The following ADAM30 variants were observed in gnomAD, a reference collection of about 807,000 sequenced individuals.
ADAM30 encodes disintegrin and metalloproteinase domain-containing protein 30.
For synonymous variants in ADAM30, 382 were observed against 340.9 expected, an observed-to-expected ratio of 1.12 and a Z score of -1.33; for missense variants, 960 against 959.4, an observed-to-expected ratio of 1.00 and a Z score of -0.01.
rs772666710 is a variant in ADAM30 at position 119,895,364 on chromosome 1, G to A, written c.973C>T (p.Leu325=). 18 of 1,614,020 alleles carry A rather than the reference G, an allele frequency of 1.1e-5. No individual in the cohort carries two copies. The highest frequency in any genetic ancestry group is 1.2e-5 in the Non-Finnish European group (14 of 1,180,034). ...LEYAGSVSTL[L]DTNILAPATW... ...GCAGGGGCAAGGATATTTGTATCTA[G>A]TAAAGTACTCACTGATCCAGCATAT... Residue 325 remains leucine, a synonymous_variant, in exon 1 of 1, where the codon CTA becomes TTA. Transcript: ENST00000369400.
Position 119,895,751 on chromosome 1 carries a change from G to A in ADAM30, c.586C>T (p.Pro196Ser). The A allele has an allele frequency of 6.2e-7, 1 of 1,614,060 alleles. No individual in the cohort carries two copies. The highest frequency in any genetic ancestry group is 8.5e-7 in the Non-Finnish European group (1 of 1,180,006). The change falls in exon 1 of 1, where the codon CCT becomes TCT. Residue 196 changes from proline to serine, a missense_variant. Coordinates refer to ENST00000369400, the MANE Select transcript of ADAM30 (RefSeq NM_021794.4). Reference sequence around the variant, plus strand: ...TACTTTGGGTGTTTATAGGATCCAGGAAAGTCCCTTAGCCTCGCCTTATTC... The same window carrying A: ...TACTTTGGGTGTTTATAGGATCCAGAAAAGTCCCTTAGCCTCGCCTTATTC... ...YENKARLRDF[P>S]GSYKHPKYLE...
chr1:119,895,491 A>T lies in ADAM30; in HGVS notation c.846T>A (p.Ser282Arg). 1 of 1,613,820 alleles carries T rather than the reference A, an allele frequency of 6.2e-7. No homozygotes were observed. The highest frequency in any genetic ancestry group is 8.5e-7 in the Non-Finnish European group (1 of 1,179,994). ...VLGRFVIYKK[S>R]VLNARLSSDW... ...CTGATGACAGGCGAGCATTTAATACACTTTTTTTATATATTACAAATCTGC... is the reference window on the plus strand; with the variant it reads ...CTGATGACAGGCGAGCATTTAATACTCTTTTTTTATATATTACAAATCTGC... Residue 282 changes from serine to arginine, a missense_variant, in exon 1 of 1, where the codon AGT becomes AGA. Physicochemically the swap from Ser to Arg is moderately radical, Grantham distance 110. Transcript: ENST00000369400.
chr1:119,895,749 A>G lies in ADAM30; in HGVS notation c.588T>C (p.Pro196=). Residue 196 remains proline, a synonymous_variant, in exon 1 of 1, where the codon CCT becomes CCC. Transcript: ENST00000369400. ...YENKARLRDF[P]GSYKHPKYLE... ...AGTACTTTGGGTGTTTATAGGATCC[A>G]GGAAAGTCCCTTAGCCTCGCCTTAT... 6.2e-7 allele frequency: 1 copy of G among 1,614,126 alleles called. No individual in the cohort carries two copies. The highest frequency in any genetic ancestry group is 8.5e-7 in the Non-Finnish European group (1 of 1,180,016).
chr1:119,893,694 A>C lies in ADAM30; in HGVS notation c.*270T>G. 1.9e-6 allele frequency: 1 copy of C among 515,032 alleles called. No homozygotes were observed. Among genetic ancestry groups the C allele is most frequent in the Non-Finnish European group, 3.2e-6 (1 of 309,520 alleles). The allele number at this position is 515,032 out of a possible 1,614,324, so 31.9% of individuals were successfully genotyped here. On this transcript the variant is annotated 3_prime_UTR_variant, in exon 1 of 1. Transcript: ENST00000369400. ...GCATGGTAATTCTAGGAAACTCACT[A>C]CTTTCAGAGCTTTAGTGTATGGAAA...
rs1218187623 is a variant in ADAM30, at chr1:119,895,884, G to C, written c.453C>G (p.Ala151=). The C allele has an allele frequency of 1.2e-6, 2 of 1,614,120 alleles. No individual in the cohort carries two copies. The highest frequency in any genetic ancestry group is 8.5e-7 in the Non-Finnish European group (1 of 1,180,026). ...AGACGACATGTTCAAAACTGGGAGA[G>C]GCCTTGAGGGGCTCAATTTGGTAAT... ...AKHYQIEPLK[A]SPSFEHVVYL... The change falls in exon 1 of 1, where the codon GCC becomes GCG. Residue 151 remains alanine, a synonymous_variant. Coordinates refer to ENST00000369400, the MANE Select transcript of ADAM30 (RefSeq NM_021794.4).
In ADAM30 at chr1:119,894,945, A is replaced by G. The variant is rs1265651743; in HGVS notation, c.1392T>C (p.Cys464=). The G allele has an allele frequency of 6.2e-7, 1 of 1,614,232 alleles. No homozygotes were observed. Among genetic ancestry groups the G allele is most frequent in the Non-Finnish European group, 8.5e-7 (1 of 1,180,038 alleles). ...TCCCGTCGCAGTACTCTGCAAGGTC[A>G]CATTCATTTCCTTCCTGCCTACACA... The part of the protein sequence containing the change: ...GYVCRQEGNE[C]DLAEYCDGNS... The change falls in exon 1 of 1, where the codon TGT becomes TGC. Residue 464 remains cysteine, a synonymous_variant. Coordinates refer to ENST00000369400, the MANE Select transcript of ADAM30 (RefSeq NM_021794.4).
At position 119,895,241 on chromosome 1, in the gene ADAM30, C is replaced by T. The variant is rs1648547031; in HGVS notation, c.1096G>A (p.Gly366Arg). The T allele has an allele frequency of 6.2e-7, 1 of 1,614,052 alleles. No individual in the cohort carries two copies. Among genetic ancestry groups the T allele is most frequent in the Non-Finnish European group, 8.5e-7 (1 of 1,180,038 alleles). ...RGRLNCIMGS[G>R]RTGFSNCSYI... is the part of the protein sequence containing the mutation. ...CTGCAATTGCTAAACCCAGTGCGTC[C>T]TGAGCCCATGATGCAATTAAGCCTA... The change falls in exon 1 of 1, where the codon GGA becomes AGA. Residue 366 changes from glycine to arginine, a missense_variant. Transcript: ENST00000369400.
rs752132571 is a variant in ADAM30, at chr1:119,895,016, T to C, written c.1321A>G (p.Ile441Val). Residue 441 changes from isoleucine to valine, a missense_variant, in exon 1 of 1, where the codon ATT (isoleucine) becomes GTT (valine). Coordinates refer to ENST00000369400, the MANE Select transcript of ADAM30 (RefSeq NM_021794.4). ...CGACAATCATGACAGCAAAGTCCAATGCTACAGTTGGCACCTGGTTGCAAC... is the reference window on the plus strand; with the variant it reads ...CGACAATCATGACAGCAAAGTCCAACGCTACAGTTGGCACCTGGTTGCAAC... ...CKLQPGANCS[I>V]GLCCHDCRFR... 3.1e-6 allele frequency: 5 copies of C among 1,614,076 alleles called. No individual in the cohort carries two copies. The highest frequency in any genetic ancestry group is 1.6e-4 in the Middle Eastern group (1 of 6,084).
chr1:119,896,393 C>G lies in ADAM30; in HGVS notation c.-57G>C. On this transcript the variant is annotated 5_prime_UTR_variant, in exon 1 of 1. Transcript: ENST00000369400. ...TTCAGTCCCTGCAACTCTGGCCTCG[C>G]GAGTCAGATTTCTGGGGGCCGCCGC... The G allele has an allele frequency of 6.8e-7, 1 of 1,469,134 alleles. No individual in the cohort carries two copies. The highest frequency in any genetic ancestry group is 9.0e-7 in the Non-Finnish European group (1 of 1,110,150). The allele number at this position is 1,469,134 out of a possible 1,614,324, so 91.0% of individuals were successfully genotyped here.
Position 119,894,530 on chromosome 1 carries a change from G to C in ADAM30, c.1807C>G (p.Leu603Val). The change falls in exon 1 of 1, where the codon CTA becomes GTA. Residue 603 changes from leucine (L) to valine (V), a missense_variant. Transcript: ENST00000369400. ...LSMKPMGIPD[L>V]GMINDGTSCG... ...GAGGTGCCATCATTTATCATACCTA[G>C]GTCAGGTATTCCCATGGGTTTCATG... 1.2e-6 allele frequency: 2 copies of C among 1,613,890 alleles called. No homozygotes were observed. Among genetic ancestry groups the C allele is most frequent in the Non-Finnish European group, 1.7e-6 (2 of 1,180,034 alleles).
chr1:119,895,570 C>T lies in ADAM30; in HGVS notation c.767G>A (p.Trp256Ter), dbSNP rs1198885004. ...AACGCGTATTTTGTTAAAATCTGTCCATACTTCAAGAGCCTTTAAGTGTAT... is the reference window on the plus strand; with the variant it reads ...AACGCGTATTTTGTTAAAATCTGTCTATACTTCAAGAGCCTTTAAGTGTAT... ...MRIHLKALEV[W>*]TDFNKIRVGY... The change falls in exon 1 of 1, where the codon TGG becomes TAG. Residue 256 changes from tryptophan (W) to a stop codon, truncating the protein, a stop_gained. Coordinates refer to ENST00000369400, the MANE Select transcript of ADAM30 (RefSeq NM_021794.4). LOFTEE classifies it low-confidence loss of function (END_TRUNC). 5 of 1,613,664 alleles carry T rather than the reference C, an allele frequency of 3.1e-6. No homozygotes were observed. The African/African-American group carries it at 6.7e-5, about 22-fold the overall frequency.
In ADAM30 at chr1:119,895,848, C is replaced by T; in HGVS notation, c.489G>A (p.Lys163=). Residue 163 remains lysine (K), a synonymous_variant, in exon 1 of 1, where the codon AAG becomes AAA. Coordinates refer to ENST00000369400, the MANE Select transcript of ADAM30 (RefSeq NM_021794.4). ...PSFEHVVYLL[K]KEQFGNQVCG... ...AAACCTGATTCCCAAACTGCTCTTTCTTCAGGAGATAGACGACATGTTCAA... is the reference window on the plus strand; with the variant it reads ...AAACCTGATTCCCAAACTGCTCTTTTTTCAGGAGATAGACGACATGTTCAA... 6.2e-7 allele frequency: 1 copy of T among 1,614,212 alleles called. No individual in the cohort carries two copies. The highest frequency in any genetic ancestry group is 8.5e-7 in the Non-Finnish European group (1 of 1,180,038).
Position 119,893,818 on chromosome 1 carries a change from A to ACAAGAATGC in ADAM30, c.*137_*145dup. The ACAAGAATGC allele has an allele frequency of 1.4e-6, 2 of 1,465,984 alleles. No homozygotes were observed. Among genetic ancestry groups the ACAAGAATGC allele is most frequent in the Non-Finnish European group, 1.8e-6 (2 of 1,108,386 alleles). 90.8% of individuals were successfully genotyped at this position (1,465,984 alleles called of 1,614,324 possible). On this transcript the variant is annotated 3_prime_UTR_variant, in exon 1 of 1. Transcript: ENST00000369400. Reference sequence around the variant, plus strand: ...TAGAATGCACTGGTTTGTTTCCAAAACAAGAATGCTGTTTATTTGCTGATC... The same window carrying ACAAGAATGC: ...TAGAATGCACTGGTTTGTTTCCAAAACAAGAATGCCAAGAATGCTGTTTATTTGCTGATC...
rs748090070 is a variant in ADAM30, at chr1:119,895,941, A to AC, written c.395dup (p.Leu133SerfsTer6). The AC allele has an allele frequency of 1.3e-5, 21 of 1,613,572 alleles. No individual in the cohort carries two copies. Among genetic ancestry groups the AC allele is most frequent in the African/African-American group, 2.7e-5 (2 of 74,726 alleles). On this transcript the variant is annotated frameshift_variant, in exon 1 of 1. Transcript: ENST00000369400. LOFTEE classifies it low-confidence loss of function (END_TRUNC). Reference sequence around the variant, plus strand: ...CATCAATGTTAAATACACCTCGGAGACCCCCCATGCATGTGCTTATAGTAG... The same window carrying AC: ...CATCAATGTTAAATACACCTCGGAGACCCCCCCATGCATGTGCTTATAGTAG...
In ADAM30 at chr1:119,894,768, A is replaced by G; in HGVS notation, c.1569T>C (p.Tyr523=). Residue 523 remains tyrosine, a synonymous_variant, in exon 1 of 1, where the codon TAT becomes TAC. Coordinates refer to ENST00000369400, the MANE Select transcript of ADAM30 (RefSeq NM_021794.4). ...PDAMEAPSEC[Y]DAVNLIGDQF... ...GATCACCTATTAAGTTAACTGCATCATAGCACTCACTAGGAGCCTCCATGG... is the reference window on the plus strand; with the variant it reads ...GATCACCTATTAAGTTAACTGCATCGTAGCACTCACTAGGAGCCTCCATGG... The G allele has an allele frequency of 1.9e-6, 3 of 1,614,214 alleles. No homozygotes were observed. Among genetic ancestry groups the G allele is most frequent in the South Asian group, 1.1e-5 (1 of 91,082 alleles).
Position 119,894,700 on chromosome 1 carries a change from T to C in ADAM30, c.1637A>G (p.Lys546Arg), listed in dbSNP as rs767643018. The C allele has an allele frequency of 5.6e-6, 9 of 1,614,010 alleles. No homozygotes were observed. The South Asian group carries it at 9.9e-5, about 18-fold the overall frequency. Residue 546 changes from lysine to arginine, a missense_variant, in exon 1 of 1, where the codon AAG becomes AGG. Lys to Arg is a conservative substitution (Grantham distance 26). Transcript: ENST00000369400. ...CEITGIRNFK[K>R]CESANSICGR... ...ACATATTGAATTTGCACTTTCACACTTTTTAAAATTTCGAATTCCTGTAAT... is the reference window on the plus strand; with the variant it reads ...ACATATTGAATTTGCACTTTCACACCTTTTAAAATTTCGAATTCCTGTAAT...
chr1:119,896,149 G>C lies in ADAM30; in HGVS notation c.188C>G (p.Ser63Cys), dbSNP rs1212742260. ...CTTGCCTTTTAACTGCAGTAGGTAGGACACGGGACTGACCACACCCTGCAC... is the reference window on the plus strand; with the variant it reads ...CTTGCCTTTTAACTGCAGTAGGTAGCACACGGGACTGACCACACCCTGCAC... ...GEVQGVVSPV[S>C]YLLQLKGKKH... Residue 63 changes from serine (S) to cysteine (C), a missense_variant, in exon 1 of 1, where the codon TCC (serine) becomes TGC (cysteine). Ser to Cys is a moderately radical substitution (Grantham distance 112). Coordinates refer to ENST00000369400, the MANE Select transcript of ADAM30 (RefSeq NM_021794.4). The C allele has an allele frequency of 6.2e-7, 1 of 1,614,068 alleles. No individual in the cohort carries two copies. Among genetic ancestry groups the C allele is most frequent in the South Asian group, 1.1e-5 (1 of 91,062 alleles).
Position 119,896,261 on chromosome 1 carries a change from G to A in ADAM30, c.76C>T (p.Leu26Phe), listed in dbSNP as rs771390058. The change falls in exon 1 of 1, where the codon CTT (leucine) becomes TTT (phenylalanine). Residue 26 changes from leucine to phenylalanine, a missense_variant. Coordinates refer to ENST00000369400, the MANE Select transcript of ADAM30 (RefSeq NM_021794.4). Reference sequence around the variant, plus strand: ...GGGTGAAAAATTACATCTTCGCCAAGAGACTTAAGGAGCATTGTCGGAACT... The same window carrying A: ...GGGTGAAAAATTACATCTTCGCCAAAAGACTTAAGGAGCATTGTCGGAACT... ...LLVPTMLLKS[L>F]GEDVIFHPEG... 8 of 1,613,368 alleles carry A rather than the reference G, an allele frequency of 5.0e-6. No individual in the cohort carries two copies. The South Asian group carries it at 7.7e-5, about 16-fold the overall frequency.
rs776842006 is a variant in ADAM30 at position 119,894,025 on chromosome 1, G to C, written c.2312C>G (p.Ser771Cys). Residue 771 changes from serine (S) to cysteine (C), a missense_variant, in exon 1 of 1, where the codon TCT becomes TGT. By Grantham distance (112) the Ser-to-Cys change is moderately radical. Coordinates refer to ENST00000369400, the MANE Select transcript of ADAM30 (RefSeq NM_021794.4). ...TCGTTTACTTTCAATGTTTGCTTTA[G>C]ATTCTTCCTGTCCAGTTTTTGCTTT... ...ESKAKTGQEE[S>C]KANIESKRPK... 1 of 1,613,344 alleles carries C rather than the reference G, an allele frequency of 6.2e-7. No homozygotes were observed. Among genetic ancestry groups the C allele is most frequent in the South Asian group, 1.1e-5 (1 of 90,952 alleles).
Sources: allele counts gnomAD v4.1 joint callset, GRCh38; gene constraint gnomAD v4.1.1; transcripts MANE v1.5; gene names NCBI Gene and HGNC (gene_info 2026-07-23, HGNC 2026-07-21).